PRMT3: variants seen among roughly 807,000 people sequenced by gnomAD.
PRMT3 encodes protein arginine N-methyltransferase 3.
In PRMT3, 62 loss-of-function variants were observed where a neutral mutation model predicts 71.9. The observed-to-expected ratio is 0.86, with a 90% confidence interval of 0.70 to 1.07. PRMT3 has a LOEUF of 1.07. Among genes scored for constraint, PRMT3 ranks in the 50% least tolerant of loss-of-function variants. The probability of loss-of-function intolerance (pLI) is 0.00; values close to 1 mark genes in which losing one functional copy is unlikely to be tolerated. For synonymous variants in PRMT3, 213 were observed against 220.4 expected (o/e 0.97, Z 0.30); for missense variants, 663 against 643.0 (o/e 1.03, Z -0.34).
Position 20,509,324 on chromosome 11 carries a change from T to C in PRMT3, c.*911T>C, listed in dbSNP as rs572492773. On this transcript the variant is annotated 3_prime_UTR_variant, in exon 16 of 16. Coordinates refer to ENST00000331079, the MANE Select transcript of PRMT3 (RefSeq NM_005788.4). ...TATTATAAAAGTTTTCAATAAAATA[T>C]ATCAAACAACATTATAAAATATTTC... 57 of 152,250 alleles carry C rather than the reference T, an allele frequency of 3.7e-4. No individual in the cohort carries two copies. Among genetic ancestry groups the C allele is most frequent in the Non-Finnish European group, 6.3e-4 (43 of 68,038 alleles). The allele number at this position is 152,250 out of a possible 1,614,324, so 9.4% of individuals were successfully genotyped here.
At chr11:20,426,692 G>T (rs1429821573) in intron 9 of PRMT3, 74 bp from the exon 10 acceptor site, 61 of 1,316,436 alleles carry the variant, frequency 4.6e-5, no homozygotes, top group Non-Finnish European at 5.8e-5. Context: ...ACGAGTTGTT[G>T]GCAAAAAATT....
At chr11:20,432,438 A>AT (rs1417493113) in intron 10 of PRMT3, among the ~76,000 whole-genome samples, 2 of 151,832 alleles carry the variant, frequency 1.3e-5, no homozygotes, top group African/African-American at 2.4e-5. Flanking sequence ...TATATGTCAC[A>AT]TTTTTTTTGT....
intron 7 of PRMT3, among the ~76,000 whole-genome samples, chr11:20,401,306 T>G (rs1000467331): frequency 3.3e-5 from 5 of 152,076 alleles, no homozygotes; most frequent in Non-Finnish European, 5.9e-5. Flanking sequence ...ATCAGAAGAG[T>G]GTAAAATTTG....
chr11:20,436,892 A>G (rs10833325), intron 10 of PRMT3, among the ~76,000 whole-genome samples: 72,593 of 152,018 alleles, frequency 0.48, 20,075 homozygotes, highest in Non-Finnish European at 0.64. Context: ...ACAATTTAGC[A>G]GTGAAAGCAT....
intron 10 of PRMT3, among the ~76,000 whole-genome samples, chr11:20,451,188 C>G (rs926170325): frequency 2.0e-5 from 3 of 152,008 alleles, no homozygotes; most frequent in Admixed American, 1.3e-4. Flanking sequence ...ATTATTTACC[C>G]TTTCTTGGTA....
intron 9 of PRMT3, among the ~76,000 whole-genome samples, chr11:20,420,091 G>A (rs541259865): frequency 1.4e-4 from 21 of 152,210 alleles, no homozygotes; most frequent in Non-Finnish European, 2.6e-4. Context: ...AGAATTGCTT[G>A]AACCCTGGAG....
chr11:20,463,480 A>G (rs1344508736), intron 12 of PRMT3, among the ~76,000 whole-genome samples: 3 of 152,092 alleles, frequency 2.0e-5, no homozygotes, highest in African/African-American at 4.8e-5. Flanking sequence ...TTCTCTCTCT[A>G]GTGATCTCTG....
chr11:20,421,053 T>G (rs539154684), intron 9 of PRMT3, among the ~76,000 whole-genome samples: 4 of 152,288 alleles, frequency 2.6e-5, no homozygotes, highest in Admixed American at 1.3e-4. Flanking sequence ...TTGTTTGTTT[T>G]TTTGAGACAG....
chr11:20,492,786 C>T (rs535039984), intron 13 of PRMT3, among the ~76,000 whole-genome samples: 30 of 152,292 alleles, frequency 2.0e-4, no homozygotes, highest in African/African-American at 7.2e-4. Context: ...AGGCTGGGTG[C>T]AGTGGCTCAC....
chr11:20,503,199 GTCTGGCTTTGGTTTCATCC>G (rs1262725412), intron 15 of PRMT3, among the ~76,000 whole-genome samples: 12 of 151,770 alleles, frequency 7.9e-5, no homozygotes, highest in Admixed American at 2.0e-4. Flanking sequence ...TGCTTTTGGT[GTCTGGCTTTGGTTTCATCC>G]TTTAAAAGAT....
In PRMT3 at chr11:20,503,093, A is replaced by G. The variant is rs141345277; in HGVS notation, c.1487-5211A>G. 7.1e-3 allele frequency among the ~76,000 whole-genome samples: 1,079 copies of G among 152,274 alleles called. 16 individuals carry two copies. The highest frequency in any genetic ancestry group is 0.025 in the African/African-American group (1,024 of 41,578). On this transcript the variant is annotated intron_variant, in intron 15 of 15. Transcript: ENST00000331079. ...AATTCAGACTTAAAAAATACTTGTTACACAAAGACACTGCTTTAATTTGCT... is the reference window on the plus strand; with the variant it reads ...AATTCAGACTTAAAAAATACTTGTTGCACAAAGACACTGCTTTAATTTGCT...
intron 13 of PRMT3, among the ~76,000 whole-genome samples, chr11:20,471,953 G>A (rs1342846362): frequency 6.6e-6 from 1 of 150,436 alleles, no homozygotes; most frequent in East Asian, 1.9e-4. Flanking sequence ...ATTTTTTTTT[G>A]TAGCAATTGT....
chr11:20,449,067 C>A (rs1016481655), intron 10 of PRMT3, among the ~76,000 whole-genome samples: 1 of 152,084 alleles, frequency 6.6e-6, no homozygotes, highest in Non-Finnish European at 1.5e-5. Context: ...GCTGTTGTAT[C>A]ACATAGGGAG....
chr11:20,473,842 GA>G (rs1365193824), intron 13 of PRMT3, among the ~76,000 whole-genome samples: 1 of 152,120 alleles, frequency 6.6e-6, no homozygotes, highest in African/African-American at 2.4e-5. Flanking sequence ...CTGGCTTTTT[GA>G]GTTTTTAGCA....
At chr11:20,400,358 A>G (rs1429936785) in intron 7 of PRMT3, among the ~76,000 whole-genome samples, 1 of 152,280 alleles carries the variant, frequency 6.6e-6, no homozygotes, top group Non-Finnish European at 1.5e-5. Flanking sequence ...TTTAGATAAG[A>G]TGAAGATACC....
intron 13 of PRMT3, among the ~76,000 whole-genome samples, chr11:20,480,587 T>C (rs1195896459): frequency 6.6e-6 from 1 of 152,106 alleles, no homozygotes; most frequent in Non-Finnish European, 1.5e-5. Flanking sequence ...AGAAAGATTG[T>C]GGCTAGAATA....
chr11:20,441,734 T>G (rs1270516034), intron 10 of PRMT3, among the ~76,000 whole-genome samples: 2 of 152,084 alleles, frequency 1.3e-5, no homozygotes, highest in Non-Finnish European at 2.9e-5. Flanking sequence ...CAGAAAACCT[T>G]GGTTCCTAAG....
At chr11:20,405,211 C>T (rs758219920) in intron 8 of PRMT3, among the ~76,000 whole-genome samples, 7 of 151,916 alleles carry the variant, frequency 4.6e-5, no homozygotes, top group Non-Finnish European at 1.0e-4. Flanking sequence ...GGTATTTAAT[C>T]GTGTTGTCAC....
intron 9 of PRMT3, among the ~76,000 whole-genome samples, chr11:20,411,589 AATT>A (rs1454987956): frequency 1.3e-5 from 2 of 152,102 alleles, no homozygotes; most frequent in Non-Finnish European, 2.9e-5. Context: ...TACTGCAAAT[AATT>A]ATTTTCTTGC....
Sources: allele counts gnomAD v4.1 joint callset (sites outside exome capture counted in the v4.1 genomes callset), GRCh38; gene constraint gnomAD v4.1.1; transcripts MANE v1.5; gene names NCBI Gene and HGNC (gene_info 2026-07-23, HGNC 2026-07-21).